Variants in FNBP1 observed in about 807,000 individuals in gnomAD.
FNBP1 encodes the protein formin binding protein 1.
Under a neutral mutation model 90.6 loss-of-function variants are expected in FNBP1, and 26 were observed. That is an observed-to-expected ratio of 0.29 (90% confidence interval 0.21 to 0.40). The LOEUF (loss-of-function observed/expected upper bound fraction) is 0.40, where lower values mean the gene tolerates loss of function less well. FNBP1 is among the 10% of genes least tolerant of loss of function. The pLI, the probability that FNBP1 is intolerant of heterozygous loss-of-function variation, is 1.00. For synonymous variants in FNBP1, 260 were observed against 265.2 expected (o/e 0.98, Z 0.19); for missense variants, 635 against 768.0 (o/e 0.83, Z 2.05).
chr9:129,956,460 T>G (rs2046957265), intron 6 of FNBP1, among the ~76,000 whole-genome samples: 1 of 152,268 alleles, frequency 6.6e-6, no homozygotes, highest in South Asian at 2.1e-4. Flanking sequence ...ATGACTTTAA[T>G]AAAAATAAAA....
At chr9:130,021,814 C>G (rs1417805583) in intron 1 of FNBP1, among the ~76,000 whole-genome samples, 2 of 152,150 alleles carry the variant, frequency 1.3e-5, no homozygotes, top group Non-Finnish European at 2.9e-5. Context: ...AGTGTCCATC[C>G]CAAATTAGCC....
At chr9:129,985,066 A>G (rs1378944019) in intron 2 of FNBP1, among the ~76,000 whole-genome samples, 1 of 152,150 alleles carries the variant, frequency 6.6e-6, no homozygotes, top group Non-Finnish European at 1.5e-5. Context: ...GACAGAGCTC[A>G]GAGTCTCGAA....
Position 129,890,608 on chromosome 9 carries a change from G to C in FNBP1, c.1847-62C>G. 1.3e-6 allele frequency: 2 copies of C among 1,497,968 alleles called. No homozygotes were observed. Among genetic ancestry groups the C allele is most frequent in the Non-Finnish European group, 1.8e-6 (2 of 1,097,494 alleles). The allele number at this position is 1,497,968 out of a possible 1,614,324, so 92.8% of individuals were successfully genotyped here. A position where few individuals can be genotyped will look rare whatever the true frequency, so the allele number is the denominator to read the frequency against. ...GTTAGAGAGGAAGGCGCGGGTTCCA[G>C]GCGGGCATTTTGCTCTTGGCTACAA... On this transcript the variant is annotated intron_variant, in intron 16 of 16. Coordinates refer to ENST00000446176, the MANE Select transcript of FNBP1 (RefSeq NM_015033.3). The surrounding 1 kb of genome is among the most constrained non-coding windows in gnomAD (Gnocchi z 5.8).
At chr9:129,918,998 C>CT (rs5900875) in intron 10 of FNBP1, 142,808 of 153,366 alleles carry the variant, frequency 0.93, 66,829 homozygotes, top group Non-Finnish European at 0.95. Flanking sequence ...TTAGGCTTTT[C>CT]TTTTTTTTTT....
At chr9:130,030,708 G>A (rs530105804) in intron 1 of FNBP1, among the ~76,000 whole-genome samples, 6 of 152,126 alleles carry the variant, frequency 3.9e-5, no homozygotes, top group Admixed American at 3.3e-4. Flanking sequence ...GGGCGAGAAC[G>A]TACGGATCAG....
At chr9:130,021,360 T>C (rs567482452) in intron 1 of FNBP1, among the ~76,000 whole-genome samples, 3 of 152,240 alleles carry the variant, frequency 2.0e-5, no homozygotes, top group Non-Finnish European at 4.4e-5. Flanking sequence ...TTCAGCCACA[T>C]GCTGTAATTA....
intron 4 of FNBP1, 33 bp from the exon 5 acceptor site, chr9:129,958,586 C>G: frequency 1.3e-6 from 2 of 1,538,236 alleles, no homozygotes; most frequent in Non-Finnish European, 1.8e-6. Flanking sequence ...GTGATTAGTA[C>G]CCTCTGCTTC....
Position 130,031,427 on chromosome 9 carries a change from C to T in FNBP1, c.24+11525G>A, listed in dbSNP as rs2058792543. Among the ~76,000 whole-genome samples the T allele has an allele frequency of 1.3e-5, 2 of 152,208 alleles. No individual in the cohort carries two copies. The highest frequency in any genetic ancestry group is 4.8e-5 in the African/African-American group (2 of 41,450). On this transcript the variant is annotated intron_variant, in intron 1 of 16. Transcript: ENST00000446176. The surrounding 1 kb of genome is among the most constrained non-coding windows in gnomAD (Gnocchi z 4.2). ...TATTACAACTCCATCACCTGCTCAT[C>T]ATTTGAGAGCTCTGTGCCCTCCATG...
chr9:129,995,104 C>T (rs2053781569), intron 1 of FNBP1, 146 bp from the exon 2 acceptor site: 2 of 585,146 alleles, frequency 3.4e-6, no homozygotes, highest in Non-Finnish European at 3.0e-6. Flanking sequence ...TTTTGTTGAG[C>T]CATTTTAAAT....
At chr9:129,951,074 C>T (rs1040933510) in intron 6 of FNBP1, among the ~76,000 whole-genome samples, 18 of 149,266 alleles carry the variant, frequency 1.2e-4, no homozygotes, top group African/African-American at 3.0e-4. Context: ...TGGGTTCAAG[C>T]GATTCTCGAG....
intron 16 of FNBP1, among the ~76,000 whole-genome samples, chr9:129,891,290 C>A (rs770986553): frequency 2.5e-4 from 38 of 152,148 alleles, no homozygotes; most frequent in Non-Finnish European, 4.0e-4. Context: ...AGCCAGACCT[C>A]ATCTCTACAA....
rs773556579 is a variant in FNBP1 at position 129,929,645 on chromosome 9, T to A, written c.564A>T (p.Ala188=). 3 of 1,613,952 alleles carry A rather than the reference T, an allele frequency of 1.9e-6. No homozygotes were observed. The South Asian group carries it at 3.3e-5, about 18-fold the overall frequency. ...IRHQMAEDSK[A]DYSSILQKFN... is the part of the protein sequence containing the mutation. ...ATTTCTGGAGAATGGATGAGTAATC[T>A]GCTTTGCTGTCCTCTGCCATTTGGT... The change falls in exon 7 of 17, where the codon GCA becomes GCT. Residue 188 remains alanine, a synonymous_variant. Transcript: ENST00000446176.
rs1161319259 is a variant in FNBP1, at chr9:129,900,538, C to T, written c.1438G>A (p.Ala480Thr). The T allele has an allele frequency of 3.2e-6, 5 of 1,566,358 alleles. No individual in the cohort carries two copies. The highest frequency in any genetic ancestry group is 3.4e-6 in the Non-Finnish European group (4 of 1,159,926). ...VETQKFEAWLAEVEGRLPARS... is the reference protein window; with the variant it reads ...VETQKFEAWLTEVEGRLPARS... ...GCTGGGAGCCGGCCTTCAACCTCAG[C>T]CAGCCAGGCCTGGAGACAAAAGCAA... The change falls in exon 14 of 17, where the codon GCT becomes ACT. Residue 480 changes from alanine to threonine, a missense_variant. By Grantham distance (58) the Ala-to-Thr change is moderately conservative. Transcript: ENST00000446176. This position sits in a 1 kb window ranked among gnomAD's most constrained non-coding sequence, Gnocchi z 4.1.
chr9:130,007,997 C>CA (rs36074642), intron 1 of FNBP1, among the ~76,000 whole-genome samples: 77,619 of 95,236 alleles, frequency 0.82, 31,303 homozygotes, highest in Non-Finnish European at 0.86. Flanking sequence ...GACTCTGTCT[C>CA]AAAAAAAAAA....
At chr9:130,006,660 A>G (rs80169441) in intron 1 of FNBP1, among the ~76,000 whole-genome samples, 1,620 of 152,252 alleles carry the variant, frequency 0.011, 42 homozygotes, top group African/African-American at 0.037. Flanking sequence ...ACAGAGGAAG[A>G]CTTCGTCTCA....
At chr9:129,930,470 A>C (rs1208455194) in intron 6 of FNBP1, among the ~76,000 whole-genome samples, 1 of 152,190 alleles carries the variant, frequency 6.6e-6, no homozygotes, top group Non-Finnish European at 1.5e-5. Flanking sequence ...TAGCATGTTT[A>C]TATTTAGTAT....
intron 4 of FNBP1, among the ~76,000 whole-genome samples, chr9:129,961,648 A>G (rs566558846): frequency 6.6e-6 from 1 of 151,610 alleles, no homozygotes; most frequent in South Asian, 2.1e-4. Context: ...GTTCACTGAG[A>G]CCTCTGCCTC....
chr9:129,963,347 T>C (rs1396198052), intron 4 of FNBP1, among the ~76,000 whole-genome samples: 1 of 152,174 alleles, frequency 6.6e-6, no homozygotes, highest in Non-Finnish European at 1.5e-5. Flanking sequence ...AAAAAAGTCT[T>C]ATTTTAAAAA....
chr9:129,977,710 G>A lies in FNBP1; in HGVS notation c.345+755C>T, dbSNP rs553625910. Among the ~76,000 whole-genome samples the A allele has an allele frequency of 1.4e-4, 21 of 152,004 alleles. 1 individual carries two copies. The South Asian group carries it at 3.5e-3, about 26-fold the overall frequency. On this transcript the variant is annotated intron_variant, in intron 4 of 16. Transcript: ENST00000446176. ...TTTCACCATGTTGACCAGCCTGATC[G>A]CGAACTCCTTAGCTCAGGTGATCCA...
Sources: gnomAD v4.1 joint callset for allele counts (sites outside exome capture counted in the v4.1 genomes callset) on GRCh38, gnomAD v4.1.1 for gene constraint, Gnocchi (gnomAD v3.1) non-coding constraint, MANE v1.5 for transcripts, NCBI Gene and HGNC (gene_info 2026-07-23, HGNC 2026-07-21) for gene names.